The following HSD17B4 variants were observed in gnomAD, a reference collection of about 807,000 sequenced individuals.
HSD17B4 encodes the protein peroxisomal multifunctional enzyme type 2.
In HSD17B4, 70 loss-of-function variants were observed where a neutral mutation model predicts 101.0. The observed-to-expected ratio is 0.69, with a 90% CI of 0.57 to 0.85. The LOEUF is 0.85. Ranked by LOEUF, HSD17B4 falls within the 40% of genes least tolerant of loss-of-function variation. The pLI is 0.00. For synonymous variants in HSD17B4, 347 were observed against 297.1 expected, an observed-to-expected ratio of 1.17 and a Z score of -1.73; for missense variants, 984 against 892.4, an observed-to-expected ratio of 1.10 and a Z score of -1.31.
At chr5:119,475,801 C>G in intron 5 of HSD17B4, 23 bp from the exon 6 acceptor site, 1 of 1,587,960 alleles carries the variant, frequency 6.3e-7, no homozygotes, top group Non-Finnish European at 8.6e-7. Flanking sequence ...CTCCTTTTAC[C>G]CTATACAACA....
intron 16 of HSD17B4, among the ~76,000 whole-genome samples, chr5:119,509,867 G>C (rs1184556497): frequency 6.6e-6 from 1 of 152,172 alleles, no homozygotes; most frequent in Non-Finnish European, 1.5e-5. Context: ...TAATAATGCA[G>C]AATATAATAA....
chr5:119,487,975 A>T (rs1225669573), intron 8 of HSD17B4, among the ~76,000 whole-genome samples: 1 of 152,178 alleles, frequency 6.6e-6, no homozygotes, highest in Non-Finnish European at 1.5e-5. Context: ...TAGAGGCTAT[A>T]AAGTGAAGAG....
chr5:119,515,042 A>G lies in HSD17B4; in HGVS notation c.1499A>G (p.Asn500Ser). 1 of 1,562,236 alleles carries G rather than the reference A, an allele frequency of 6.4e-7. No individual in the cohort carries two copies. Among genetic ancestry groups the G allele is most frequent in the Non-Finnish European group, 8.8e-7 (1 of 1,132,982 alleles). ...GTACTTACAGATACCACCTCTCTTAATCAGGTAAGATTGTATTTTTGAAAA... is the reference window on the plus strand; with the variant it reads ...GTACTTACAGATACCACCTCTCTTAGTCAGGTAAGATTGTATTTTTGAAAA... ...DAVLTDTTSL[N>S]QAALYRLSGD... The change falls in exon 17 of 24, where the codon AAT (asparagine) becomes AGT (serine). Residue 500 changes from asparagine to serine, a missense_variant. Physicochemically the swap from Asn to Ser is conservative, Grantham distance 46. Coordinates refer to ENST00000510025, the MANE Select transcript of HSD17B4 (RefSeq NM_000414.4).
At chr5:119,531,808 T>C (rs1457127334) in intron 22 of HSD17B4, among the ~76,000 whole-genome samples, 1 of 152,170 alleles carries the variant, frequency 6.6e-6, no homozygotes, top group Non-Finnish European at 1.5e-5. Flanking sequence ...AATTATTTTA[T>C]TCATACCAAA....
At chr5:119,480,697 A>G (rs1225995071) in intron 8 of HSD17B4, among the ~76,000 whole-genome samples, 1 of 152,166 alleles carries the variant, frequency 6.6e-6, no homozygotes, top group East Asian at 1.9e-4. Context: ...ACCAAAATTT[A>G]TTAGGTGGGA....
At chr5:119,525,051 C>T (rs1367844023) in intron 17 of HSD17B4, among the ~76,000 whole-genome samples, 165 bp from the exon 18 acceptor site, 2 of 152,008 alleles carry the variant, frequency 1.3e-5, no homozygotes, top group African/African-American at 2.4e-5. Flanking sequence ...AAAAACATTT[C>T]ATTATAGGTA....
chr5:119,490,098 A>G (rs554881486), intron 9 of HSD17B4, among the ~76,000 whole-genome samples: 2 of 152,198 alleles, frequency 1.3e-5, no homozygotes, highest in Admixed American at 6.5e-5. Flanking sequence ...ACCTGGCTCA[A>G]TTTAAAGTGA....
intron 1 of HSD17B4, among the ~76,000 whole-genome samples, chr5:119,453,090 A>C (rs1158348669): frequency 6.6e-6 from 1 of 152,222 alleles, no homozygotes; most frequent in Non-Finnish European, 1.5e-5. Flanking sequence ...TCGGTCGTTC[A>C]GTGTTTGTTT....
At chr5:119,504,218 T>C (rs1751449666) in intron 14 of HSD17B4, among the ~76,000 whole-genome samples, 2 of 152,194 alleles carry the variant, frequency 1.3e-5, no homozygotes, top group South Asian at 4.1e-4. Flanking sequence ...TCTTTGCTAT[T>C]GTGAATAGTG....
intron 12 of HSD17B4, 108 bp downstream of exon 12, chr5:119,496,754 C>A: frequency 1.3e-6 from 1 of 781,184 alleles, no homozygotes; most frequent in Non-Finnish European, 2.4e-6. Flanking sequence ...CTTTTGGATG[C>A]AGTTACTTTC....
chr5:119,477,394 A>G lies in HSD17B4; in HGVS notation c.350-23A>G, dbSNP rs756598315. The G allele has an allele frequency of 4.7e-6, 7 of 1,500,488 alleles. 1 individual carries two copies. The highest frequency in any genetic ancestry group is 3.5e-5 in the South Asian group (3 of 85,756). 92.9% of individuals were successfully genotyped at this position (1,500,488 alleles called of 1,614,324 possible). A position where few individuals can be genotyped will look rare whatever the true frequency, so the allele number is the denominator to read the frequency against. On this transcript the variant is annotated intron_variant, in intron 6 of 23. Transcript: ENST00000510025. ...TGCCTAAGTTTTTACAAAATATTTA[A>G]TAAAAATAATTTATTGTTTTAGATA...
intron 2 of HSD17B4, among the ~76,000 whole-genome samples, chr5:119,468,867 C>T (rs1244515874): frequency 2.8e-5 from 4 of 144,844 alleles, no homozygotes; most frequent in Non-Finnish European, 4.5e-5. Context: ...TTTAAATATT[C>T]TTTCTTTTGC....
At chr5:119,514,948 T>C in intron 16 of HSD17B4, 33 bp from the exon 17 acceptor site, 1 of 1,161,502 alleles carries the variant, frequency 8.6e-7, no homozygotes, top group Non-Finnish European at 1.3e-6. Context: ...ATAATTTGTA[T>C]TTAAGATTTA....
chr5:119,471,996 A>G (rs765771560), intron 2 of HSD17B4, among the ~76,000 whole-genome samples: 4 of 152,200 alleles, frequency 2.6e-5, no homozygotes, highest in Non-Finnish European at 4.4e-5. Context: ...TAAATTATCA[A>G]TTAATGTTTG....
chr5:119,479,080 C>A, intron 8 of HSD17B4, 59 bp downstream of exon 8: 1 of 1,269,600 alleles, frequency 7.9e-7, no homozygotes, highest in Non-Finnish European at 1.1e-6. Context: ...GTGGAATGAG[C>A]TTTACAAAAG....
chr5:119,485,568 T>A (rs1276048720), intron 8 of HSD17B4, among the ~76,000 whole-genome samples: 12 of 152,180 alleles, frequency 7.9e-5, no homozygotes, highest in African/African-American at 2.7e-4. Flanking sequence ...TAGTTTAGAA[T>A]ATCTGAAAAT....
At chr5:119,475,588 T>A in intron 4 of HSD17B4, 118 bp from the exon 5 acceptor site, 1 of 784,378 alleles carries the variant, frequency 1.3e-6, no homozygotes, top group East Asian at 2.6e-5. Flanking sequence ...ACTCTTTACC[T>A]ATTATATTTA....
chr5:119,505,062 G>C (rs1337447661), intron 14 of HSD17B4, among the ~76,000 whole-genome samples: 1 of 152,082 alleles, frequency 6.6e-6, no homozygotes, highest in Non-Finnish European at 1.5e-5. Context: ...ATGGTTGTAG[G>C]TGTGTGGGTT....
chr5:119,514,494 T>C (rs1752442348), intron 16 of HSD17B4, among the ~76,000 whole-genome samples: 1 of 152,186 alleles, frequency 6.6e-6, no homozygotes, highest in Non-Finnish European at 1.5e-5. Flanking sequence ...AGACTTTTCA[T>C]CAAAAAGGAA....
Sources: gnomAD v4.1 joint callset for allele counts (sites outside exome capture counted in the v4.1 genomes callset) on GRCh38, gnomAD v4.1.1 for gene constraint, MANE v1.5 for transcripts, NCBI Gene and HGNC (gene_info 2026-07-23, HGNC 2026-07-21) for gene names.